ATXN7L1: variants seen among roughly 807,000 people sequenced by gnomAD.
ATXN7L1 encodes ataxin 7 like 1, also known as ataxin-7-like protein 1.
A neutral mutation model predicts 70.8 loss-of-function variants in ATXN7L1; 15 were observed. The ratio of observed to expected loss-of-function variants is 0.21; its 90% CI spans 0.14 to 0.33. The LOEUF is 0.33. Ranked by LOEUF, ATXN7L1 falls within the 10% of genes least tolerant of loss-of-function variation. The pLI is 1.00. For missense variants in ATXN7L1, 975 were observed against 1,097.1 expected, an observed-to-expected ratio of 0.89 and a Z score of 1.57; for synonymous variants, 440 against 445.1, an observed-to-expected ratio of 0.99 and a Z score of 0.14.
At chr7:105,695,493 C>A (rs1280065716) in intron 3 of ATXN7L1, among the ~76,000 whole-genome samples, 3 of 152,076 alleles carry the variant, frequency 2.0e-5, no homozygotes, top group Admixed American at 2.0e-4. Context: ...CAGTTTGCAC[C>A]CCATCCTTTG....
chr7:105,788,508 A>G, intron 3 of ATXN7L1, 96 bp downstream of exon 3: 1 of 1,009,232 alleles, frequency 9.9e-7, no homozygotes, highest in Non-Finnish European at 1.6e-6. Context: ...AGGCTGAGAC[A>G]AGACATGGCG....
At chr7:105,872,635 G>A (rs971448278) in intron 2 of ATXN7L1, among the ~76,000 whole-genome samples, 1 of 152,156 alleles carries the variant, frequency 6.6e-6, no homozygotes, top group Non-Finnish European at 1.5e-5. Context: ...GAGACAGAAA[G>A]TAGAACAGTG....
intron 3 of ATXN7L1, among the ~76,000 whole-genome samples, chr7:105,694,816 C>T (rs909084165): frequency 3.9e-5 from 6 of 152,126 alleles, no homozygotes; most frequent in African/African-American, 7.2e-5. Flanking sequence ...CCAGAGAAAA[C>T]AATGATAAAA....
intron 4 of ATXN7L1, among the ~76,000 whole-genome samples, chr7:105,647,931 C>G (rs1799293776): frequency 6.6e-6 from 1 of 152,214 alleles, no homozygotes; most frequent in East Asian, 1.9e-4. Flanking sequence ...GTGGCCCAAT[C>G]ATACTCTACT....
rs1584477336 is a variant in ATXN7L1 at position 105,643,087 on chromosome 7, G to A, written c.613C>T (p.Pro205Ser). 9 of 1,540,586 alleles carry A rather than the reference G, an allele frequency of 5.8e-6. No individual in the cohort carries two copies. The East Asian group carries it at 2.0e-4, about 34-fold the overall frequency. ...PVPVVSLEKI[P>S]NLVKADGANV... ...GCACCATCTGCCTTCACTAGGTTAG[G>A]AATTTTCTCTAAACTGACTACAGGA... Residue 205 changes from proline (P) to serine (S), a missense_variant, in exon 5 of 12, where the codon CCT becomes TCT. By Grantham distance (74) the Pro-to-Ser change is moderately conservative (BLOSUM62 -1). This residue lies in a region of ATXN7L1 where 192 missense variants were observed against 215.5 expected (regional missense o/e 0.89). Transcript: ENST00000419735.
chr7:105,695,390 T>G (rs1584757051), intron 3 of ATXN7L1, among the ~76,000 whole-genome samples: 1 of 152,354 alleles, frequency 6.6e-6, no homozygotes, highest in African/African-American at 2.4e-5. Flanking sequence ...TGAATGTGCC[T>G]AACACAGAAG....
rs548655223 is a variant in ATXN7L1, at chr7:105,788,093, T to G, written c.355+511A>C. On this transcript the variant is annotated intron_variant, in intron 3 of 11. Transcript: ENST00000419735. Reference sequence around the variant, plus strand: ...CAGTTCCCAACCCCACCTGGGATTTTTTTTAACAAGGAGGATTCTTGGGAA... The same window carrying G: ...CAGTTCCCAACCCCACCTGGGATTTGTTTTAACAAGGAGGATTCTTGGGAA... 37 of 153,564 alleles carry G rather than the reference T, an allele frequency of 2.4e-4. No individual in the cohort carries two copies. The South Asian group carries it at 7.6e-3, about 31-fold the overall frequency. The allele number at this position is 153,564 out of a possible 1,614,324, so 9.5% of individuals were successfully genotyped here.
chr7:105,761,262 G>A, intron 3 of ATXN7L1: 3 of 1,537,850 alleles, frequency 2.0e-6, no homozygotes, highest in Non-Finnish European at 2.6e-6. Context: ...GTGAATGGAA[G>A]CTTGTCCACA....
chr7:105,643,455 C>T (rs563856961), intron 4 of ATXN7L1, among the ~76,000 whole-genome samples: 43 of 152,310 alleles, frequency 2.8e-4, no homozygotes, highest in African/African-American at 8.2e-4. Context: ...CAGAACAAGG[C>T]GCCTGTTGTG....
chr7:105,671,731 A>G (rs1308884639), intron 3 of ATXN7L1, among the ~76,000 whole-genome samples: 2 of 151,548 alleles, frequency 1.3e-5, no homozygotes, highest in Non-Finnish European at 2.9e-5. Flanking sequence ...CCCTGCTTCT[A>G]CAAAAAATTA....
intron 4 of ATXN7L1, chr7:105,649,462 C>T: frequency 1.0e-6 from 1 of 987,810 alleles, no homozygotes; most frequent in Non-Finnish European, 1.2e-6. Flanking sequence ...TGTGCTTGGC[C>T]TGTCTGAATT....
chr7:105,798,837 GA>G (rs528242917), intron 2 of ATXN7L1, among the ~76,000 whole-genome samples: 24 of 152,228 alleles, frequency 1.6e-4, no homozygotes, highest in African/African-American at 5.8e-4. Context: ...CTATTTGGAT[GA>G]AAAAAAGATA....
At chr7:105,641,212 CTCTTTTTTTTT>C (rs1461392394) in intron 5 of ATXN7L1, among the ~76,000 whole-genome samples, 57 of 64,024 alleles carry the variant, frequency 8.9e-4, no homozygotes, top group African/African-American at 3.1e-3. Flanking sequence ...CTCTCTCTCT[CTCTTTTTTTTT>C]TTTTTTTTTT....
chr7:105,876,584 T>C lies in ATXN7L1; in HGVS notation c.-26A>G. On this transcript the variant is annotated 5_prime_UTR_variant, in exon 1 of 12. Coordinates refer to ENST00000419735, the MANE Select transcript of ATXN7L1 (RefSeq NM_020725.2). Reference sequence around the variant, plus strand: ...CTTCGGAACGTTCCGACATTGAGTGTTCTGAAAGGGGGAGGGAGGGAGGAA... The same window carrying C: ...CTTCGGAACGTTCCGACATTGAGTGCTCTGAAAGGGGGAGGGAGGGAGGAA... 1.4e-6 allele frequency: 2 copies of C among 1,441,902 alleles called. No individual in the cohort carries two copies. The highest frequency in any genetic ancestry group is 1.9e-6 in the Non-Finnish European group (2 of 1,074,694). 89.3% of individuals were successfully genotyped at this position (1,441,902 alleles called of 1,614,324 possible).
At chr7:105,760,036 G>A (rs999728840) in intron 3 of ATXN7L1, among the ~76,000 whole-genome samples, 3 of 152,102 alleles carry the variant, frequency 2.0e-5, no homozygotes, top group Non-Finnish European at 2.9e-5. Context: ...TCTACTGCAT[G>A]TGACACTGTG....
chr7:105,827,314 A>G (rs767768137), intron 2 of ATXN7L1, among the ~76,000 whole-genome samples: 1 of 152,178 alleles, frequency 6.6e-6, no homozygotes, highest in Non-Finnish European at 1.5e-5. Context: ...TAAACCATTC[A>G]CTTAAAAAGA....
chr7:105,802,236 C>T (rs775205059), intron 2 of ATXN7L1, among the ~76,000 whole-genome samples: 5 of 152,130 alleles, frequency 3.3e-5, no homozygotes, highest in Admixed American at 6.5e-5. Context: ...CCTGTTCTCC[C>T]GAGGGCTGCC....
At chr7:105,867,903 C>T (rs1232797689) in intron 2 of ATXN7L1, among the ~76,000 whole-genome samples, 10 of 152,126 alleles carry the variant, frequency 6.6e-5, no homozygotes, top group Admixed American at 5.9e-4. Context: ...CAAGTGGAGG[C>T]GCAAGATGCG....
intron 2 of ATXN7L1, among the ~76,000 whole-genome samples, chr7:105,869,521 T>C (rs961766225): frequency 3.9e-5 from 6 of 152,200 alleles, no homozygotes; most frequent in Non-Finnish European, 7.3e-5. Context: ...TTTGCTCCCA[T>C]CCAGCCACAA....
Sources: allele counts gnomAD v4.1 joint callset (sites outside exome capture counted in the v4.1 genomes callset), GRCh38; gene constraint gnomAD v4.1.1; regional missense constraint gnomAD v4.1.1; transcripts MANE v1.5; gene names NCBI Gene and HGNC (gene_info 2026-07-23, HGNC 2026-07-21).